The following ABCB10 variants were observed in gnomAD, a reference collection of about 807,000 sequenced individuals.
The protein encoded by ABCB10 is ATP binding cassette subfamily B member 10.
ABCB10 carries 54 observed loss-of-function variants against 65.4 expected under a neutral mutation model. That is an observed-to-expected ratio of 0.83 (90% confidence interval 0.66 to 1.04). ABCB10 has a LOEUF of 1.04. Among genes scored for constraint, ABCB10 ranks in the 50% least tolerant of loss-of-function variants. ABCB10 has a pLI of 0.00. For missense variants in ABCB10, 846 were observed against 976.6 expected, an observed-to-expected ratio of 0.87 and a Z score of 1.78; for synonymous variants, 418 against 406.5, an observed-to-expected ratio of 1.03 and a Z score of -0.34.
Position 229,531,637 on chromosome 1 carries a change from G to T in ABCB10, c.1434C>A (p.Asn478Lys), listed in dbSNP as rs57503359. ...CAAAGAAACAATTTTCAGACCCACC[G>T]TTAAAAGGCAGCTTGGGCTCTCTCT... is the stretch of plus-strand genomic sequence containing the variant. ...LLEREPKLPFNEGVILNEKSF... is the reference protein window; with the variant it reads ...LLEREPKLPFKEGVILNEKSF... Residue 478 changes from asparagine (N) to lysine (K), a missense_variant and splice_region_variant, in exon 7 of 13, where the codon AAC (asparagine) becomes AAA (lysine). Physicochemically the swap from Asn to Lys is moderately conservative, Grantham distance 94. Coordinates refer to ENST00000344517, the MANE Select transcript of ABCB10 (RefSeq NM_012089.3). The T allele has an allele frequency of 9.0e-4, 1,454 of 1,613,626 alleles. 12 individuals are homozygous for T. In the African/African-American group the frequency reaches 0.014, roughly 16 times the overall value.
At chr1:229,557,135 T>C (rs1663268413) in intron 1 of ABCB10, among the ~76,000 whole-genome samples, 1 of 152,206 alleles carries the variant, frequency 6.6e-6, no homozygotes, top group Admixed American at 6.5e-5. Context: ...TGTGCAAACC[T>C]ACTCTAAATC....
At chr1:229,545,437 G>A (rs1297002725) in intron 3 of ABCB10, among the ~76,000 whole-genome samples, 3 of 152,248 alleles carry the variant, frequency 2.0e-5, no homozygotes, top group East Asian at 1.9e-4. Flanking sequence ...CTTATTCCAC[G>A]AGTCTAGAAC....
At chr1:229,551,520 C>T (rs113225859) in intron 1 of ABCB10, among the ~76,000 whole-genome samples, 1,670 of 152,302 alleles carry the variant, frequency 0.011, 14 homozygotes, top group Non-Finnish European at 0.018. Context: ...GAAGCAATAA[C>T]GTCTATCAGA....
At chr1:229,541,775 AC>A (rs1305852670) in intron 4 of ABCB10, among the ~76,000 whole-genome samples, 1 of 152,034 alleles carries the variant, frequency 6.6e-6, no homozygotes, top group Non-Finnish European at 1.5e-5. Context: ...TCATGTCTCT[AC>A]AAAAAATTTT....
At chr1:229,521,410 T>C (rs974943405) in intron 11 of ABCB10, among the ~76,000 whole-genome samples, 182 bp downstream of exon 11, 1 of 151,720 alleles carries the variant, frequency 6.6e-6, no homozygotes, top group Non-Finnish European at 1.5e-5. Context: ...AAATACTTGT[T>C]AAATTTGGAC....
At chr1:229,533,926 T>A (rs1662644779) in intron 6 of ABCB10, among the ~76,000 whole-genome samples, 1 of 152,160 alleles carries the variant, frequency 6.6e-6, no homozygotes, top group African/African-American at 2.4e-5. Context: ...AGAAAGAAGC[T>A]GGACTTCATT....
chr1:229,526,614 G>C (rs1450423190), intron 9 of ABCB10, among the ~76,000 whole-genome samples: 1 of 152,206 alleles, frequency 6.6e-6, no homozygotes, highest in Non-Finnish European at 1.5e-5. Context: ...CAAGTGGAGT[G>C]GGGAGAGGAT....
chr1:229,533,878 G>A (rs1662643518), intron 6 of ABCB10, among the ~76,000 whole-genome samples: 1 of 151,462 alleles, frequency 6.6e-6, no homozygotes, highest in Admixed American at 6.6e-5. Flanking sequence ...ATTTGGTGAT[G>A]ACTTTTTAGA....
At chr1:229,521,495 A>G in intron 11 of ABCB10, 97 bp downstream of exon 11, 1 of 1,425,572 alleles carries the variant, frequency 7.0e-7, no homozygotes, top group Non-Finnish European at 9.6e-7. Context: ...AACAAAAAAC[A>G]GGAAAAGGAA....
intron 4 of ABCB10, among the ~76,000 whole-genome samples, chr1:229,541,189 A>G (rs1015625124): frequency 1.3e-5 from 2 of 152,182 alleles, no homozygotes; most frequent in African/African-American, 4.8e-5. Context: ...ATAAACATGC[A>G]TGGTTTTTGT....
At chr1:229,555,478 C>T (rs187983143) in intron 1 of ABCB10, among the ~76,000 whole-genome samples, 4 of 152,348 alleles carry the variant, frequency 2.6e-5, no homozygotes, top group Non-Finnish European at 5.9e-5. Context: ...CACAGTTATG[C>T]TAAAGCTGCT....
In ABCB10 at chr1:229,558,487, G is replaced by A. The variant is rs1237615695; in HGVS notation, c.166C>T (p.Pro56Ser). 1.3e-5 allele frequency: 17 copies of A among 1,301,878 alleles called. No homozygotes were observed. In the South Asian group the frequency reaches 2.0e-4, roughly 15 times the overall value. 80.6% of individuals were successfully genotyped at this position (1,301,878 alleles called of 1,614,324 possible). A position where few individuals can be genotyped will look rare whatever the true frequency, so the allele number is the denominator to read the frequency against. Reference protein sequence around the residue: ...LRPARLWGAGPALLWGVGAAR... With the variant: ...LRPARLWGAGSALLWGVGAAR... ...GCTCCAACGCCCCAGAGCAGCGCGGGCCCCGCGCCCCATAGCCGCGCCGGC... is the reference window on the plus strand; with the variant it reads ...GCTCCAACGCCCCAGAGCAGCGCGGACCCCGCGCCCCATAGCCGCGCCGGC... The change falls in exon 1 of 13, where the codon CCC (proline) becomes TCC (serine). Residue 56 changes from proline to serine, a missense_variant. Around this residue, in one of 2 missense-constraint regions of ABCB10, gnomAD observed 214 missense variants for 173.5 expected, o/e 1.23. Coordinates refer to ENST00000344517, the MANE Select transcript of ABCB10 (RefSeq NM_012089.3).
intron 11 of ABCB10, among the ~76,000 whole-genome samples, chr1:229,520,088 T>G (rs570881464): frequency 6.6e-6 from 1 of 151,948 alleles, no homozygotes; most frequent in South Asian, 2.1e-4. Flanking sequence ...TGAGCCATGA[T>G]CACACCACTG....
chr1:229,531,409 G>A (rs1662580508), intron 7 of ABCB10, among the ~76,000 whole-genome samples: 1 of 152,072 alleles, frequency 6.6e-6, no homozygotes, highest in Non-Finnish European at 1.5e-5. Context: ...ACACTATGTG[G>A]CCAGCCCATG....
At chr1:229,539,620 G>C in intron 5 of ABCB10, 29 bp from the exon 6 acceptor site, 2 of 1,603,416 alleles carry the variant, frequency 1.2e-6, no homozygotes, top group Non-Finnish European at 1.7e-6. Context: ...ACAGAAGTCA[G>C]GTGGGAATCA....
At chr1:229,518,551 A>G (rs1662231407) in intron 12 of ABCB10, 141 bp from the exon 13 acceptor site, 1 of 717,620 alleles carries the variant, frequency 1.4e-6, no homozygotes, top group East Asian at 2.7e-5. Flanking sequence ...TGATCTCCAT[A>G]AAACTATACT....
In ABCB10 at chr1:229,518,339, A is replaced by C; in HGVS notation, c.2057T>G (p.Leu686Ter). The C allele has an allele frequency of 1.2e-6, 2 of 1,614,200 alleles. No homozygotes were observed. The highest frequency in any genetic ancestry group is 1.7e-6 in the Non-Finnish European group (2 of 1,180,044). The change falls in exon 13 of 13, where the codon TTA becomes TGA. Residue 686 changes from leucine to a stop codon, truncating the protein, a stop_gained. Coordinates refer to ENST00000344517, the MANE Select transcript of ABCB10 (RefSeq NM_012089.3). LOFTEE classifies it low-confidence loss of function (END_TRUNC). Reference protein sequence around the residue: ...LDRLMDGRTVLVIAHRLSTIK... With the variant: ...LDRLMDGRTV ...GGTGGACAGACGATGGGCAATAACT[A>C]ACACCGTTCTTCCATCCATCAGTCG...
rs143091933 is a variant in ABCB10, at chr1:229,516,703, C to T, written c.*1476G>A. On this transcript the variant is annotated 3_prime_UTR_variant, in exon 13 of 13. Transcript: ENST00000344517. ...CAATTTCGTAAATACTTCTATGGCA[C>T]AAGGATTATTTTCCTCAGATTCAAC... The T allele has an allele frequency of 2.0e-5, 3 of 152,236 alleles. No homozygotes were observed. Among genetic ancestry groups the T allele is most frequent in the Non-Finnish European group, 4.4e-5 (3 of 67,998 alleles). 9.4% of individuals were successfully genotyped at this position (152,236 alleles called of 1,614,324 possible).
chr1:229,530,095 C>G, intron 8 of ABCB10, 104 bp downstream of exon 8: 1 of 1,160,864 alleles, frequency 8.6e-7, no homozygotes, highest in South Asian at 1.3e-5. Context: ...AGAAGGTACT[C>G]TACAAAATAA....
Sources: allele counts gnomAD v4.1 joint callset (sites outside exome capture counted in the v4.1 genomes callset), GRCh38; gene constraint gnomAD v4.1.1; regional missense constraint gnomAD v4.1.1; transcripts MANE v1.5; gene names NCBI Gene and HGNC (gene_info 2026-07-23, HGNC 2026-07-21).